MED12L: variants seen among roughly 807,000 people sequenced by gnomAD.
The protein encoded by MED12L is mediator complex subunit 12L.
In MED12L, 60 loss-of-function variants were observed where a neutral mutation model predicts 281.3. The observed-to-expected ratio is 0.21, with a 90% CI of 0.17 to 0.26. MED12L has a LOEUF of 0.26. MED12L is among the 10% of genes least tolerant of loss of function. The probability of loss-of-function intolerance (pLI) is 1.00; values close to 1 mark genes in which losing one functional copy is unlikely to be tolerated. For synonymous variants in MED12L, 974 were observed against 987.2 expected, an observed-to-expected ratio of 0.99 and a Z score of 0.25; for missense variants, 2,146 against 2,680.9, an observed-to-expected ratio of 0.80 and a Z score of 4.41.
At chr3:151,109,096 C>T (rs1025853405) in intron 2 of MED12L, among the ~76,000 whole-genome samples, 5 of 150,370 alleles carry the variant, frequency 3.3e-5, no homozygotes, top group East Asian at 2.0e-4. Context: ...CTCGCTCTGT[C>T]GCCCAGGCTG....
Position 151,122,887 on chromosome 3 carries a change from G to C in MED12L, c.309G>C (p.Trp103Cys), listed in dbSNP as rs978332968. ...AAGTTAATGCTAAAGATAATTATTG[G>C]CTGGTTACTGCTCGATCCCAGAGTG... is the stretch of plus-strand genomic sequence containing the variant. The part of the protein sequence containing the change: ...KPQVNAKDNY[W>C]LVTARSQSAI... Residue 103 changes from tryptophan to cysteine, a missense_variant, in exon 4 of 45, where the codon TGG becomes TGC. Transcript: ENST00000687756. 4 of 1,612,654 alleles carry C rather than the reference G, an allele frequency of 2.5e-6. No homozygotes were observed. The African/African-American group carries it at 4.0e-5, about 16-fold the overall frequency.
chr3:151,255,179 T>G (rs1007729751), intron 16 of MED12L, among the ~76,000 whole-genome samples: 2 of 152,140 alleles, frequency 1.3e-5, no homozygotes, highest in African/African-American at 2.4e-5. Flanking sequence ...ACCAATTTCA[T>G]GTAAGAAGGA....
intron 11 of MED12L, among the ~76,000 whole-genome samples, chr3:151,171,629 C>G (rs759660183): frequency 6.6e-6 from 1 of 152,214 alleles, no homozygotes; most frequent in Non-Finnish European, 1.5e-5. Context: ...TATGCTTAGA[C>G]TATTCGTGCA....
At chr3:151,333,094 G>A (rs1302418039) in intron 16 of MED12L, among the ~76,000 whole-genome samples, 2 of 152,180 alleles carry the variant, frequency 1.3e-5, no homozygotes, top group East Asian at 3.8e-4. Flanking sequence ...TTGTGTGGCT[G>A]CATAGTATCT....
chr3:151,128,966 T>C (rs1714946391), intron 5 of MED12L, among the ~76,000 whole-genome samples: 1 of 152,242 alleles, frequency 6.6e-6, no homozygotes, highest in Admixed American at 6.5e-5. Flanking sequence ...GTTTCTAGAC[T>C]GTGACTTCTT....
chr3:151,345,052 C>G (rs1476075278), intron 16 of MED12L, among the ~76,000 whole-genome samples: 3 of 152,204 alleles, frequency 2.0e-5, no homozygotes, highest in African/African-American at 7.2e-5. Context: ...TGTAGTACAA[C>G]AAGCCTGCCA....
chr3:151,328,687 A>AAATATC (rs1422473251), intron 16 of MED12L: 1 of 1,614,074 alleles, frequency 6.2e-7, no homozygotes. Flanking sequence ...TGGTCTCATA[A>AAATATC]AATATCACCG....
intron 2 of MED12L, among the ~76,000 whole-genome samples, chr3:151,113,690 TG>T (rs1576753358): frequency 6.6e-6 from 1 of 152,202 alleles, no homozygotes; most frequent in East Asian, 1.9e-4. Flanking sequence ...CAATAATATC[TG>T]TGTGGCTCCT....
rs1055375431 is a variant in MED12L at position 151,341,623 on chromosome 3, A to G, written c.2251-8436A>G. Among the ~76,000 whole-genome samples, 7 of 151,672 alleles carry G rather than the reference A, an allele frequency of 4.6e-5. No individual in the cohort carries two copies. In the East Asian group the frequency reaches 1.2e-3, roughly 25 times the overall value. ...TTAAGTTTTAGGGTACATGTGCACA[A>G]TGTGCAGGTTAGTTACATATGTATA... On this transcript the variant is annotated intron_variant, in intron 16 of 44. Transcript: ENST00000687756.
chr3:151,263,191 C>T, intron 16 of MED12L, among the ~76,000 whole-genome samples: 1 of 152,028 alleles, frequency 6.6e-6, no homozygotes, highest in East Asian at 1.9e-4. Flanking sequence ...TTAGGATGGC[C>T]CAGCACCCTT....
intron 16 of MED12L, among the ~76,000 whole-genome samples, chr3:151,273,227 CTT>C (rs63035061): frequency 3.8e-4 from 40 of 106,154 alleles, no homozygotes; most frequent in African/African-American, 1.2e-3. Flanking sequence ...TTGTTGTGTT[CTT>C]TTTTTTTTTT....
intron 16 of MED12L, chr3:151,199,002 C>T (rs769137703): frequency 1.4e-5 from 23 of 1,613,902 alleles, no homozygotes; most frequent in African/African-American, 2.7e-5. Context: ...TTGGCAAATC[C>T]GGGTTCTTGT....
At chr3:151,414,146 G>C (rs114725855) in intron 42 of MED12L, among the ~76,000 whole-genome samples, 2 of 152,172 alleles carry the variant, frequency 1.3e-5, no homozygotes, top group Non-Finnish European at 2.9e-5. Flanking sequence ...GCCACCACAC[G>C]CAGCTTCCTT....
rs55920434 is a variant in MED12L at position 151,270,196 on chromosome 3, CGTGT to C, written c.2250+76573_2250+76576del. Reference sequence around the variant, plus strand: ...TCTCCAGTTCCTGGGAGCAAGCTGTCGTGTGTGTGTGTGTGTGTGTGTGTGTGTG... The same window carrying C: ...TCTCCAGTTCCTGGGAGCAAGCTGTCGTGTGTGTGTGTGTGTGTGTGTGTG... On this transcript the variant is annotated intron_variant, in intron 16 of 44. Transcript: ENST00000687756. 279 of 129,698 alleles carry C rather than the reference CGTGT, an allele frequency of 2.2e-3. 1 individual carries two copies. The highest frequency in any genetic ancestry group is 6.1e-3 in the African/African-American group (186 of 30,362). 8.0% of individuals were successfully genotyped at this position (129,698 alleles called of 1,614,324 possible).
rs761691241 is a variant in MED12L, at chr3:151,360,455, C to T, written c.2826-19C>T. ...AGTACAAATCTATGTCTTATTTCTT[C>T]GTATATTTTTCTCCTCAGGTTGTGT... On this transcript the variant is annotated intron_variant, in intron 20 of 44. Coordinates refer to ENST00000687756, the MANE Select transcript of MED12L (RefSeq NM_001393769.1). The T allele has an allele frequency of 6.8e-6, 11 of 1,606,614 alleles. No individual in the cohort carries two copies. In the Admixed American group the frequency reaches 8.5e-5, roughly 12 times the overall value.
At chr3:151,224,941 C>T (rs1411566973) in intron 16 of MED12L, among the ~76,000 whole-genome samples, 3 of 152,144 alleles carry the variant, frequency 2.0e-5, no homozygotes, top group Non-Finnish European at 4.4e-5. Context: ...TCAGAACATG[C>T]TTATTACATT....
chr3:151,360,590 T>C lies in MED12L; in HGVS notation c.2942T>C (p.Phe981Ser). The C allele has an allele frequency of 6.2e-7, 1 of 1,612,328 alleles. No individual in the cohort carries two copies. Among genetic ancestry groups the C allele is most frequent in the Non-Finnish European group, 8.5e-7 (1 of 1,178,890 alleles). Reference sequence around the variant, plus strand: ...TCATGTAGCCACCTCAGAAGTAAATTTGGAGACCTCTTCAGGTGAGTAGAA... The same window carrying C: ...TCATGTAGCCACCTCAGAAGTAAATCTGGAGACCTCTTCAGGTGAGTAGAA... ...YVSCSHLRSK[F>S]GDLFSSACSK... The change falls in exon 21 of 45, where the codon TTT becomes TCT. Residue 981 changes from phenylalanine (F) to serine (S), a missense_variant. Phe to Ser is a radical substitution (Grantham distance 155, BLOSUM62 -2). Transcript: ENST00000687756.
chr3:151,125,452 T>A (rs1714371447), intron 4 of MED12L, among the ~76,000 whole-genome samples: 1 of 152,250 alleles, frequency 6.6e-6, no homozygotes, highest in South Asian at 2.1e-4. Flanking sequence ...CAAATTCAGA[T>A]GTTTTATTTT....
At chr3:151,379,318 C>A (rs1711804903) in intron 31 of MED12L, among the ~76,000 whole-genome samples, 1 of 152,168 alleles carries the variant, frequency 6.6e-6, no homozygotes, top group Admixed American at 6.5e-5. Flanking sequence ...TTTATTCTGC[C>A]CATGGAGAAT....
Sources: allele counts gnomAD v4.1 joint callset (sites outside exome capture counted in the v4.1 genomes callset), GRCh38; gene constraint gnomAD v4.1.1; transcripts MANE v1.5; gene names NCBI Gene and HGNC (gene_info 2026-07-23, HGNC 2026-07-21).